EFCAB8: variants seen among roughly 807,000 people sequenced by gnomAD.
EFCAB8 encodes the protein EF-hand calcium binding domain 8.
Under a neutral mutation model 116.3 loss-of-function variants are expected in EFCAB8, and 100 were observed. The ratio of observed to expected loss-of-function variants is 0.86; its 90% CI spans 0.73 to 1.02. The LOEUF (loss-of-function observed/expected upper bound fraction) is 1.02. EFCAB8 is among the 50% of genes least tolerant of loss of function. EFCAB8 has a pLI of 0.00. For synonymous variants in EFCAB8, 558 were observed against 567.9 expected, an observed-to-expected ratio of 0.98 and a Z score of 0.25; for missense variants, 1,320 against 1,416.9, an observed-to-expected ratio of 0.93 and a Z score of 1.10.
rs1447759962 is a variant in EFCAB8, at chr20:32,878,716, G to C, written c.340G>C (p.Asp114His). 6.4e-7 allele frequency: 1 copy of C among 1,551,650 alleles called. No homozygotes were observed. Among genetic ancestry groups the C allele is most frequent in the Non-Finnish European group, 8.7e-7 (1 of 1,147,000 alleles). The change falls in exon 5 of 27, where the codon GAT (aspartate) becomes CAT (histidine). Residue 114 changes from aspartate to histidine, a missense_variant. Coordinates refer to ENST00000400522, the MANE Select transcript of EFCAB8 (RefSeq NM_001143967.2). ...TCTTTCGAGGCAGCAAAAGTATGTG[G>C]ATTACATGATGCGTGAGTTCCAGGG... The part of the protein sequence containing the change: ...EGFVTWQKYV[D>H]YMMREFQGKE...
At chr20:32,961,084 TC>T in intron 26 of EFCAB8, 51 bp from the exon 27 acceptor site, 1 of 1,476,556 alleles carries the variant, frequency 6.8e-7, no homozygotes, top group Non-Finnish European at 9.3e-7. Context: ...ATCCTGGGTG[TC>T]CCCGGCTCCA....
At position 32,908,353 on chromosome 20, in the gene EFCAB8, C is replaced by T. The variant is rs987055442; in HGVS notation, c.1387C>T (p.Pro463Ser). ...GAAGTTTTTTGCTCTGGGAAACTGC[C>T]CCATCACCAGTGCCTACTTCTTCGA... is the stretch of plus-strand genomic sequence containing the variant. ...CGKFFALGNC[P>S]ITSAYFFEKD... The change falls in exon 14 of 27, where the codon CCC becomes TCC. Residue 463 changes from proline (P) to serine (S), a missense_variant. Transcript: ENST00000400522. 11 of 1,249,990 alleles carry T rather than the reference C, an allele frequency of 8.8e-6. No homozygotes were observed. Among genetic ancestry groups the T allele is most frequent in the African/African-American group, 6.2e-5 (4 of 64,622 alleles). 77.4% of individuals were successfully genotyped at this position (1,249,990 alleles called of 1,614,324 possible). A position where few individuals can be genotyped will look rare whatever the true frequency, so the allele number is the denominator to read the frequency against.
intron 19 of EFCAB8, 32 bp from the exon 20 acceptor site, chr20:32,920,046 A>T (rs1206052075): frequency 2.6e-6 from 4 of 1,551,654 alleles, no homozygotes; most frequent in Admixed American, 3.9e-5. Context: ...AAACACCCTC[A>T]TGGTGACTTG....
At chr20:32,888,317 C>T (rs999171804) in intron 6 of EFCAB8, among the ~76,000 whole-genome samples, 2 of 152,152 alleles carry the variant, frequency 1.3e-5, no homozygotes, top group African/African-American at 2.4e-5. Context: ...CCTCTGCCTC[C>T]CGGGTTCAGG....
chr20:32,925,527 GT>G (rs1157243472), intron 20 of EFCAB8, among the ~76,000 whole-genome samples: 1 of 152,188 alleles, frequency 6.6e-6, no homozygotes, highest in Non-Finnish European at 1.5e-5. Flanking sequence ...CTAATTTTGG[GT>G]TTTTAGTGGA....
Position 32,866,244 on chromosome 20 carries a change from T to A in EFCAB8, c.43-1338T>A, listed in dbSNP as rs117060085. On this transcript the variant is annotated intron_variant, in intron 2 of 26. Coordinates refer to ENST00000400522, the MANE Select transcript of EFCAB8 (RefSeq NM_001143967.2). Reference sequence around the variant, plus strand: ...GAGGATGAGCACATTTGCTCTTTAGTTGGGGCTAAGTGGGGGAGAGTGAGC... The same window carrying A: ...GAGGATGAGCACATTTGCTCTTTAGATGGGGCTAAGTGGGGGAGAGTGAGC... Among the ~76,000 whole-genome samples, 5 of 152,328 alleles carry A rather than the reference T, an allele frequency of 3.3e-5. No homozygotes were observed. The East Asian group carries it at 9.6e-4, about 29-fold the overall frequency.
chr20:32,871,716 C>T (rs1410389994), intron 3 of EFCAB8, among the ~76,000 whole-genome samples: 2 of 152,090 alleles, frequency 1.3e-5, no homozygotes, highest in African/African-American at 2.4e-5. Flanking sequence ...ATTATGAGTG[C>T]GGGCTCCATA....
intron 23 of EFCAB8, among the ~76,000 whole-genome samples, chr20:32,956,130 C>T (rs1323106677): frequency 1.3e-5 from 2 of 151,756 alleles, no homozygotes; most frequent in Non-Finnish European, 1.5e-5. Flanking sequence ...TAAATGGTAT[C>T]TTTTGTATTA....
In EFCAB8 at chr20:32,892,142, G is replaced by A. The variant is rs886536765; in HGVS notation, c.674-71G>A. 4.5e-6 allele frequency: 6 copies of A among 1,324,238 alleles called. No individual in the cohort carries two copies. The Admixed American group carries it at 5.9e-5, about 13-fold the overall frequency. 82.0% of individuals were successfully genotyped at this position (1,324,238 alleles called of 1,614,324 possible). A position where few individuals can be genotyped will look rare whatever the true frequency, so the allele number is the denominator to read the frequency against. On this transcript the variant is annotated intron_variant, in intron 7 of 26. Transcript: ENST00000400522. ...AGAGATTCCTTGGGATAGCAATGAG[G>A]CTGCTCACTGTGACTGAAGACCTCC...
At chr20:32,879,159 CAG>C (rs1985177270) in intron 5 of EFCAB8, among the ~76,000 whole-genome samples, 1 of 152,208 alleles carries the variant, frequency 6.6e-6, no homozygotes, top group South Asian at 2.1e-4. Context: ...CTAGTTGGTG[CAG>C]AGTGGGTCTG....
intron 22 of EFCAB8, among the ~76,000 whole-genome samples, chr20:32,939,014 T>TTCCC (rs147666599): frequency 7.9e-6 from 1 of 126,394 alleles, no homozygotes; most frequent in African/African-American, 3.0e-5. Flanking sequence ...CCTTCCCTCC[T>TTCCC]TCCCTCCCTC....
chr20:32,863,057 C>T (rs1984197100), intron 1 of EFCAB8, among the ~76,000 whole-genome samples: 1 of 152,002 alleles, frequency 6.6e-6, no homozygotes, highest in Non-Finnish European at 1.5e-5. Flanking sequence ...CTCCCCTCTG[C>T]CTCCAGGACC....
Position 32,908,305 on chromosome 20 carries a change from A to T in EFCAB8, c.1339A>T (p.Ile447Leu), listed in dbSNP as rs1429348889. 1 of 1,249,720 alleles carries T rather than the reference A, an allele frequency of 8.0e-7. No individual in the cohort carries two copies. Among genetic ancestry groups the T allele is most frequent in the African/African-American group, 1.6e-5 (1 of 64,432 alleles). The allele number at this position is 1,249,720 out of a possible 1,614,324, so 77.4% of individuals were successfully genotyped here. A position where few individuals can be genotyped will look rare whatever the true frequency, so the allele number is the denominator to read the frequency against. Residue 447 changes from isoleucine to leucine, a missense_variant, in exon 14 of 27, where the codon ATA becomes TTA. Coordinates refer to ENST00000400522, the MANE Select transcript of EFCAB8 (RefSeq NM_001143967.2). ...TCGCGTGTGGGACATGCTGGACTACATATGCCTCCAGTCCTTCTGTGGGAA... is the reference window on the plus strand; with the variant it reads ...TCGCGTGTGGGACATGCTGGACTACTTATGCCTCCAGTCCTTCTGTGGGAA... Reference protein sequence around the residue: ...NIRVWDMLDYICLQSFCGKFF... With the variant: ...NIRVWDMLDYLCLQSFCGKFF...
intron 7 of EFCAB8, among the ~76,000 whole-genome samples, chr20:32,891,721 G>T (rs936975344): frequency 6.6e-6 from 1 of 152,244 alleles, no homozygotes; most frequent in Admixed American, 6.5e-5. Flanking sequence ...ACGTAGAGAG[G>T]CAGAGGAGGG....
chr20:32,898,809 C>G (rs947643142), intron 11 of EFCAB8, among the ~76,000 whole-genome samples, 186 bp downstream of exon 11: 6 of 152,162 alleles, frequency 3.9e-5, no homozygotes, highest in Non-Finnish European at 5.9e-5. Context: ...AATCTATATG[C>G]AAAACTCAGC....
rs543420847 is a variant in EFCAB8, at chr20:32,886,066, G to C, written c.567+426G>C. Among the ~76,000 whole-genome samples, 5 of 152,288 alleles carry C rather than the reference G, an allele frequency of 3.3e-5. No individual in the cohort carries two copies. The South Asian group carries it at 1.0e-3, about 32-fold the overall frequency. Reference sequence around the variant, plus strand: ...CTAGTCCAGGCAGGAAATCATAGTGGTTATGAGCATGGGCTCTGGAGCCCA... The same window carrying C: ...CTAGTCCAGGCAGGAAATCATAGTGCTTATGAGCATGGGCTCTGGAGCCCA... On this transcript the variant is annotated intron_variant, in intron 6 of 26. Transcript: ENST00000400522.
chr20:32,944,781 C>T (rs980185816), intron 23 of EFCAB8, among the ~76,000 whole-genome samples: 2 of 152,002 alleles, frequency 1.3e-5, no homozygotes, highest in African/African-American at 4.8e-5. Context: ...TAATGTGTCT[C>T]CTTGTGGATT....
At chr20:32,926,561 C>T (rs1447010517) in intron 20 of EFCAB8, among the ~76,000 whole-genome samples, 2 of 148,396 alleles carry the variant, frequency 1.3e-5, no homozygotes, top group Non-Finnish European at 3.0e-5. Flanking sequence ...GCACAATGTG[C>T]AGGTTAGTTA....
intron 17 of EFCAB8, among the ~76,000 whole-genome samples, chr20:32,915,575 T>G (rs1987147499): frequency 6.6e-6 from 1 of 152,224 alleles, no homozygotes; most frequent in Non-Finnish European, 1.5e-5. Context: ...CTGTCCTCTT[T>G]TCTTTCTAGG....
Sources: gnomAD v4.1 joint callset for allele counts (sites outside exome capture counted in the v4.1 genomes callset) on GRCh38, gnomAD v4.1.1 for gene constraint, MANE v1.5 for transcripts, NCBI Gene and HGNC (gene_info 2026-07-23, HGNC 2026-07-21) for gene names.